The following ARHGAP22 variants were observed in gnomAD, a reference collection of about 807,000 sequenced individuals.
ARHGAP22 encodes the protein rho GTPase-activating protein 22.
In ARHGAP22, 48 loss-of-function variants were observed where a neutral mutation model predicts 59.1. That is an observed-to-expected ratio of 0.81 (90% CI 0.64 to 1.03). The LOEUF (loss-of-function observed/expected upper bound fraction) is 1.03, where lower values mean the gene tolerates loss of function less well. Among genes scored for constraint, ARHGAP22 ranks in the 50% least tolerant of loss-of-function variants. ARHGAP22 has a pLI of 0.00. For synonymous variants in ARHGAP22, 445 were observed against 416.4 expected, an observed-to-expected ratio of 1.07 and a Z score of -0.84; for missense variants, 1,015 against 958.7, an observed-to-expected ratio of 1.06 and a Z score of -0.78.
At chr10:48,522,917 C>A (rs2053940631) in intron 3 of ARHGAP22, among the ~76,000 whole-genome samples, 1 of 152,226 alleles carries the variant, frequency 6.6e-6, no homozygotes, top group African/African-American at 2.4e-5. Context: ...CCCTTGACCT[C>A]TCTACGTCCT....
At chr10:48,485,196 T>C (rs2134145327) in intron 3 of ARHGAP22, among the ~76,000 whole-genome samples, 1 of 152,336 alleles carries the variant, frequency 6.6e-6, no homozygotes, top group South Asian at 2.1e-4. Context: ...TTTCTTCTGC[T>C]TACCTTGGGT....
In ARHGAP22 at chr10:48,614,286, G is replaced by A. The variant is rs181377188; in HGVS notation, c.53-31134C>T. On this transcript the variant is annotated intron_variant, in intron 1 of 9. Coordinates refer to the ARHGAP22 transcript ENST00000435790. ...GCTGATGAGAGAGTTAGACAGTTGA[G>A]AAGAGGACAGTATTTACCAGATTTG... is the stretch of plus-strand genomic sequence containing the variant. 1.3e-3 allele frequency among the ~76,000 whole-genome samples: 202 copies of A among 152,332 alleles called. 1 individual carries two copies. The highest frequency in any genetic ancestry group is 4.8e-3 in the African/African-American group (198 of 41,576).
chr10:48,546,226 G>T (rs970547710), intron 3 of ARHGAP22, among the ~76,000 whole-genome samples: 1 of 152,210 alleles, frequency 6.6e-6, no homozygotes, highest in East Asian at 1.9e-4. Context: ...ACATTGCCAG[G>T]GTAGGGGTGG....
intron 3 of ARHGAP22, among the ~76,000 whole-genome samples, chr10:48,547,848 T>A (rs2056579821): frequency 6.6e-6 from 1 of 152,128 alleles, no homozygotes; most frequent in African/African-American, 2.4e-5. Flanking sequence ...GCAAGGCCAA[T>A]GATGTGACAC....
chr10:48,450,394 TGCTG>T lies in ARHGAP22; in HGVS notation c.1731_1734del (p.Ser578ThrfsTer43). 1 of 1,573,308 alleles carries T rather than the reference TGCTG, an allele frequency of 6.4e-7. No individual in the cohort carries two copies. The highest frequency in any genetic ancestry group is 1.2e-5 in the South Asian group (1 of 86,328). ...CTGTCCGGCTCGCTGGGCTCGCTGTTGCTGGCACCCGCGCCCGCCTCGTCCATGC... is the reference window on the plus strand; with the variant it reads ...CTGTCCGGCTCGCTGGGCTCGCTGTTGCACCCGCGCCCGCCTCGTCCATGC... On this transcript the variant is annotated frameshift_variant, in exon 9 of 10. Coordinates refer to ENST00000249601, the MANE Select transcript of ARHGAP22 (RefSeq NM_021226.4). LOFTEE classifies it high-confidence loss of function.
chr10:48,468,961 C>T (rs911394763), intron 4 of ARHGAP22, among the ~76,000 whole-genome samples: 4 of 152,138 alleles, frequency 2.6e-5, no homozygotes, highest in African/African-American at 4.8e-5. Flanking sequence ...GGCATTCCCA[C>T]GGCCCAGGGA....
intron 6 of ARHGAP22, among the ~76,000 whole-genome samples, chr10:48,454,670 G>A (rs72796306): frequency 0.083 from 12,596 of 152,312 alleles, 680 homozygotes; most frequent in Middle Eastern, 0.22. Context: ...GGGCCTGAGT[G>A]GCCTGAGTCG....
intron 3 of ARHGAP22, among the ~76,000 whole-genome samples, chr10:48,491,487 C>G (rs959747639): frequency 6.6e-6 from 1 of 152,226 alleles, no homozygotes; most frequent in African/African-American, 2.4e-5. Context: ...AATCAATACA[C>G]TCTGTATGTA....
At chr10:48,609,351 T>C (rs1226357670), upstream of ARHGAP22, among the ~76,000 whole-genome samples, 1 of 152,218 alleles carries the variant, frequency 6.6e-6, no homozygotes, top group Non-Finnish European at 1.5e-5. Flanking sequence ...AGAAGTGATG[T>C]GGTTACTTCT....
chr10:48,551,349 T>C (rs760781999), intron 3 of ARHGAP22, among the ~76,000 whole-genome samples: 3 of 152,226 alleles, frequency 2.0e-5, no homozygotes, highest in Non-Finnish European at 4.4e-5. Flanking sequence ...TGCCCAGGCC[T>C]GTGGTCCCAC....
At chr10:48,567,096 G>T (rs756902743) in intron 2 of ARHGAP22, among the ~76,000 whole-genome samples, 2 of 152,210 alleles carry the variant, frequency 1.3e-5, no homozygotes, top group Non-Finnish European at 2.9e-5. Flanking sequence ...AGTTCTGGTT[G>T]CTCTGTGGTA....
At chr10:48,646,722 A>G (rs187093632) in intron 1 of ARHGAP22, among the ~76,000 whole-genome samples, 3 of 152,372 alleles carry the variant, frequency 2.0e-5, no homozygotes, top group Non-Finnish European at 4.4e-5. Flanking sequence ...CATACTATAT[A>G]CAAAAATTAA....
chr10:48,647,883 C>T (rs555469056), intron 1 of ARHGAP22, among the ~76,000 whole-genome samples: 2 of 152,120 alleles, frequency 1.3e-5, no homozygotes, highest in African/African-American at 2.4e-5. Context: ...CTGATTCACA[C>T]GAGAACATGA....
chr10:48,606,708 C>A (rs138366043), upstream of ARHGAP22, among the ~76,000 whole-genome samples: 1 of 152,288 alleles, frequency 6.6e-6, no homozygotes, highest in South Asian at 2.1e-4. Flanking sequence ...TGTCTTTGCA[C>A]GTGCAGTTCC....
intron 3 of ARHGAP22, among the ~76,000 whole-genome samples, chr10:48,497,805 C>T (rs1357101651): frequency 1.3e-5 from 2 of 152,158 alleles, no homozygotes; most frequent in African/African-American, 2.4e-5. Context: ...AAACGGACCC[C>T]TCTCACTCTG....
chr10:48,540,880 C>T (rs915457486), intron 3 of ARHGAP22, among the ~76,000 whole-genome samples: 1 of 151,964 alleles, frequency 6.6e-6, no homozygotes, highest in Non-Finnish European at 1.5e-5. Flanking sequence ...CAAGGCTACT[C>T]AACCCCGGAC....
At chr10:48,598,391 G>A (rs891414321) in intron 1 of ARHGAP22, among the ~76,000 whole-genome samples, 1 of 152,148 alleles carries the variant, frequency 6.6e-6, no homozygotes, top group Non-Finnish European at 1.5e-5. Context: ...CTCAGCTTGT[G>A]GTGCTGAAAC....
At chr10:48,439,095 G>A in the ARHGAP22 span, 7 of 152,138 alleles carry the variant, frequency 4.6e-5, no homozygotes, top group Admixed American at 3.3e-4. Context: ...ACCTGAGTAT[G>A]ATAGCTGACA....
At chr10:48,568,571 A>G (rs1306686125) in intron 2 of ARHGAP22, among the ~76,000 whole-genome samples, 1 of 152,226 alleles carries the variant, frequency 6.6e-6, no homozygotes, top group Non-Finnish European at 1.5e-5. Context: ...ACATGCGCTG[A>G]GCCTCTCCAG....
Sources: gnomAD v4.1 joint callset for allele counts (sites outside exome capture counted in the v4.1 genomes callset) on GRCh38, gnomAD v4.1.1 for gene constraint, MANE v1.5 for transcripts, NCBI Gene and HGNC (gene_info 2026-07-23, HGNC 2026-07-21) for gene names.